Variants in LUZP2 observed in about 807,000 individuals in gnomAD.
The protein encoded by LUZP2 is leucine zipper protein 2.
Under a neutral mutation model 51.6 loss-of-function variants are expected in LUZP2, and 52 were observed. That is an observed-to-expected ratio of 1.01 (90% CI 0.81 to 1.27). LUZP2 has a LOEUF of 1.27. Among genes scored for constraint, LUZP2 ranks in the 50% most tolerant of loss-of-function variants. The pLI, the probability that LUZP2 is intolerant of heterozygous loss-of-function variation, is 0.00. For synonymous variants in LUZP2, 154 were observed against 137.3 expected (o/e 1.12, Z -0.85); for missense variants, 436 against 395.4 (o/e 1.10, Z -0.87).
intron 1 of LUZP2, among the ~76,000 whole-genome samples, chr11:24,674,460 TAAC>T (rs1420645760): frequency 1.3e-5 from 2 of 152,128 alleles, no homozygotes; most frequent in African/African-American, 4.8e-5. Flanking sequence ...ACCAGGAGAA[TAAC>T]AACAACCAAT....
At chr11:24,862,840 A>T (rs956886159) in intron 5 of LUZP2, among the ~76,000 whole-genome samples, 3 of 152,368 alleles carry the variant, frequency 2.0e-5, no homozygotes, top group South Asian at 2.1e-4. Flanking sequence ...CAGAATATAT[A>T]AAGAAATCTT....
intron 10 of LUZP2, among the ~76,000 whole-genome samples, chr11:25,056,811 T>A (rs930534571): frequency 1.3e-5 from 2 of 152,122 alleles, no homozygotes; most frequent in Non-Finnish European, 1.5e-5. Context: ...TTAAACACTT[T>A]GAGAAATTGC....
intron 5 of LUZP2, among the ~76,000 whole-genome samples, chr11:24,877,975 A>G (rs1204713444): frequency 6.6e-6 from 1 of 152,116 alleles, no homozygotes; most frequent in African/African-American, 2.4e-5. Context: ...TCCATTGTGT[A>G]TATATACCAC....
chr11:24,672,299 C>T (rs1398514785), intron 1 of LUZP2, among the ~76,000 whole-genome samples: 1 of 151,972 alleles, frequency 6.6e-6, no homozygotes, highest in Non-Finnish European at 1.5e-5. Flanking sequence ...CAATATGGTA[C>T]TAAACATCAA....
intron 1 of LUZP2, among the ~76,000 whole-genome samples, chr11:24,659,042 A>G (rs545176522): frequency 6.6e-6 from 1 of 152,320 alleles, no homozygotes; most frequent in East Asian, 1.9e-4. Context: ...AACTAGAAAT[A>G]CCATTTAACC....
intron 1 of LUZP2, among the ~76,000 whole-genome samples, chr11:24,695,913 A>G (rs1206183011): frequency 6.6e-6 from 1 of 151,872 alleles, no homozygotes; most frequent in African/African-American, 2.4e-5. Context: ...TGAGGTGGGG[A>G]AAGAATGGGA....
intron 1 of LUZP2, among the ~76,000 whole-genome samples, chr11:24,647,472 C>A (rs1855498575): frequency 6.6e-6 from 1 of 151,814 alleles, no homozygotes; most frequent in Non-Finnish European, 1.5e-5. Flanking sequence ...TTTATCTAGA[C>A]AATAAATTAA....
intron 5 of LUZP2, among the ~76,000 whole-genome samples, chr11:24,879,573 A>G (rs1852388105): frequency 6.6e-6 from 1 of 152,166 alleles, no homozygotes; most frequent in Non-Finnish European, 1.5e-5. Context: ...CAGCCTCACC[A>G]GCATCTACTG....
chr11:24,510,738 C>A (rs1850282887), intron 1 of LUZP2, among the ~76,000 whole-genome samples: 1 of 152,038 alleles, frequency 6.6e-6, no homozygotes, highest in East Asian at 1.9e-4. Flanking sequence ...TTAATATTAT[C>A]TACTTCAAGC....
At chr11:24,738,600 A>T (rs1362809408) in intron 4 of LUZP2, among the ~76,000 whole-genome samples, 1 of 152,050 alleles carries the variant, frequency 6.6e-6, no homozygotes, top group Non-Finnish European at 1.5e-5. Flanking sequence ...TGGCTCTCAC[A>T]TTGTGGGACG....
chr11:25,032,685 A>G (rs1056992905), intron 9 of LUZP2, among the ~76,000 whole-genome samples: 15 of 152,140 alleles, frequency 9.9e-5, no homozygotes, highest in Admixed American at 9.8e-4. Context: ...ATTCATGATT[A>G]TAGTCAGGAA....
rs143964216 is a variant in LUZP2 at position 24,712,346 on chromosome 11, A to G, written c.63-16823A>G. 6.1e-3 allele frequency among the ~76,000 whole-genome samples: 924 copies of G among 152,214 alleles called. 8 individuals carry two copies. The highest frequency in any genetic ancestry group is 0.021 in the African/African-American group (874 of 41,534). ...TAAGGCATGAGGACAGCTTGAGCCC[A>G]GAAAGTCGAGGCTATATCACTCCAC... On this transcript the variant is annotated intron_variant, in intron 1 of 11. Transcript: ENST00000336930.
In LUZP2 at chr11:25,082,562, T is replaced by C. The variant is rs1268748939; in HGVS notation, c.*3904T>C. 1.3e-5 allele frequency: 2 copies of C among 152,168 alleles called. No individual in the cohort carries two copies. The highest frequency in any genetic ancestry group is 2.9e-5 in the Non-Finnish European group (2 of 67,986). 9.4% of individuals were successfully genotyped at this position (152,168 alleles called of 1,614,324 possible). A position where few individuals can be genotyped will look rare whatever the true frequency, so the allele number is the denominator to read the frequency against. On this transcript the variant is annotated 3_prime_UTR_variant, in exon 12 of 12. Coordinates refer to ENST00000336930, the MANE Select transcript of LUZP2 (RefSeq NM_001009909.4). ...ATGTGTTCATTTGGATTGTGTTATA[T>C]AATAACAGTCGAATGATGAAGAATA...
chr11:24,848,040 G>T (rs954143540), intron 5 of LUZP2, among the ~76,000 whole-genome samples: 5 of 151,936 alleles, frequency 3.3e-5, no homozygotes, highest in Non-Finnish European at 7.4e-5. Flanking sequence ...GTCTGAAGTC[G>T]GTAATTTTAG....
At chr11:24,824,515 A>G (rs960088860) in intron 5 of LUZP2, among the ~76,000 whole-genome samples, 3 of 151,858 alleles carry the variant, frequency 2.0e-5, no homozygotes, top group South Asian at 2.1e-4. Context: ...TTTTTATTCT[A>G]TCTTAATAAA....
At chr11:24,572,123 T>C (rs1852464130) in intron 1 of LUZP2, among the ~76,000 whole-genome samples, 2 of 151,994 alleles carry the variant, frequency 1.3e-5, no homozygotes, top group African/African-American at 4.8e-5. Context: ...CAATAAATAG[T>C]GAAGTGATGA....
chr11:24,768,480 C>T (rs1023590637), intron 5 of LUZP2, among the ~76,000 whole-genome samples: 2 of 152,150 alleles, frequency 1.3e-5, no homozygotes, highest in Admixed American at 1.3e-4. Context: ...GTTGGAAATA[C>T]TTCATGAACA....
intron 4 of LUZP2, among the ~76,000 whole-genome samples, chr11:24,743,802 A>G (rs1859274883): frequency 6.6e-6 from 1 of 152,054 alleles, no homozygotes; most frequent in Admixed American, 6.6e-5. Flanking sequence ...ACTTTTCCCC[A>G]TTTAGTATTA....
intron 7 of LUZP2, among the ~76,000 whole-genome samples, chr11:24,968,253 C>G (rs1038002904): frequency 6.6e-6 from 1 of 152,072 alleles, no homozygotes; most frequent in African/African-American, 2.4e-5. Context: ...AGTGAACACA[C>G]AGTAAATATT....
Sources: gnomAD v4.1 joint callset for allele counts (sites outside exome capture counted in the v4.1 genomes callset) on GRCh38, gnomAD v4.1.1 for gene constraint, MANE v1.5 for transcripts, NCBI Gene and HGNC (gene_info 2026-07-23, HGNC 2026-07-21) for gene names.